MROH9: variants seen among roughly 807,000 people sequenced by gnomAD.
MROH9 encodes maestro heat-like repeat-containing protein family member 9.
A neutral mutation model predicts 98.2 loss-of-function variants in MROH9; 92 were observed. The observed-to-expected ratio is 0.94, with a 90% CI of 0.79 to 1.11. The LOEUF is 1.11. Ranked by LOEUF, MROH9 falls within the 50% of genes most tolerant of loss-of-function variation. The pLI is 0.00. For synonymous variants in MROH9, 397 were observed against 368.9 expected (o/e 1.08, Z -0.87); for missense variants, 1,057 against 1,014.8 (o/e 1.04, Z -0.57).
rs778332953 is a variant in MROH9 at position 170,995,407 on chromosome 1, A to G, written c.1213A>G (p.Thr405Ala). Residue 405 changes from threonine to alanine, a missense_variant, in exon 13 of 22, where the codon ACC becomes GCC. Physicochemically the swap from Thr to Ala is moderately conservative, Grantham distance 58. Transcript: ENST00000367759. The stretch of plus-strand genomic sequence containing the variant: ...CTTATAGGCATGCCAGGCCCTGTGC[A>G]CCTTTCTGCCTCTTGGTTCCTACAG... ...MPLAACQALC[T>A]FLPLGSYRKA... is the part of the protein sequence containing the mutation. The G allele has an allele frequency of 6.3e-5, 102 of 1,613,150 alleles. 3 individuals carry two copies. Among genetic ancestry groups the G allele is most frequent in the South Asian group, 3.8e-4 (35 of 91,052 alleles).
intron 20 of MROH9, 94 bp downstream of exon 20, chr1:171,025,514 T>A: frequency 1.3e-6 from 1 of 792,716 alleles, no homozygotes; most frequent in East Asian, 2.7e-5. Context: ...TTTTAATGTC[T>A]CTGTTTATGA....
chr1:170,992,471 T>A (rs751496465), intron 12 of MROH9, 142 bp downstream of exon 12: 5 of 855,982 alleles, frequency 5.8e-6, no homozygotes. Context: ...ATTTATTGAG[T>A]GTCTATTATT....
At chr1:170,937,515 ATTT>A (rs71125282) in intron 1 of MROH9, among the ~76,000 whole-genome samples, 16,348 of 111,622 alleles carry the variant, frequency 0.15, 411 homozygotes, top group Middle Eastern at 0.24. Flanking sequence ...CATAATCAGT[ATTT>A]TTTTTTTTTT....
intron 8 of MROH9, among the ~76,000 whole-genome samples, chr1:170,975,447 G>A (rs894208002): frequency 3.3e-5 from 5 of 152,066 alleles, no homozygotes; most frequent in African/African-American, 1.2e-4. Context: ...AATAGATTTA[G>A]GGGGTACAAA....
rs752696655 is a variant in MROH9 at position 171,052,672 on chromosome 1, G to A, written c.2282-9460G>A. On this transcript the variant is annotated intron_variant, in intron 20 of 21. Coordinates refer to ENST00000367759, the MANE Select transcript of MROH9 (RefSeq NM_001163629.2). ...GAGCAGAGAAATCACTACTGCCCACGGAATGGCAGGGGCAGCTCAGGCTCC... is the reference window on the plus strand; with the variant it reads ...GAGCAGAGAAATCACTACTGCCCACAGAATGGCAGGGGCAGCTCAGGCTCC... Among the ~76,000 whole-genome samples, 5 of 152,260 alleles carry A rather than the reference G, an allele frequency of 3.3e-5. No homozygotes were observed. The Middle Eastern group carries it at 0.014, about 414-fold the overall frequency.
rs150328926 is a variant in MROH9 at position 171,049,038 on chromosome 1, C to A, written c.2282-13094C>A. ...ATCCAACATGCAAGACAAAGCCCTC[C>A]CCACTTTTCCCTCTCCTCTCCTCAA... On this transcript the variant is annotated intron_variant, in intron 20 of 21. Coordinates refer to ENST00000367759, the MANE Select transcript of MROH9 (RefSeq NM_001163629.2). Among the ~76,000 whole-genome samples the A allele has an allele frequency of 1.0e-3, 159 of 152,192 alleles. 1 individual carries two copies. In the East Asian group the frequency reaches 0.027, roughly 26 times the overall value.
chr1:170,954,959 C>G (rs1649702744), intron 3 of MROH9, among the ~76,000 whole-genome samples: 1 of 151,890 alleles, frequency 6.6e-6, no homozygotes, highest in African/African-American at 2.4e-5. Flanking sequence ...TTATCCCTAT[C>G]CCCCTCCCAC....
intron 8 of MROH9, among the ~76,000 whole-genome samples, chr1:170,977,959 G>T (rs1261729238): frequency 6.6e-6 from 1 of 152,184 alleles, no homozygotes; most frequent in East Asian, 1.9e-4. Context: ...GAGACAGACT[G>T]GCCCCCTTTC....
rs1287069317 is a variant in MROH9 at position 170,947,582 on chromosome 1, TATTCTATAAGGATATCAACGTAACTGA to T, written c.72+15_72+41del. 4 of 1,606,546 alleles carry T rather than the reference TATTCTATAAGGATATCAACGTAACTGA, an allele frequency of 2.5e-6. No homozygotes were observed. The highest frequency in any genetic ancestry group is 3.4e-6 in the Non-Finnish European group (4 of 1,174,140). ...TGAAATGGCACCACATGGTAAGTGA[TATTCTATAAGGATATCAACGTAACTGA>T]ATTCTCTTGGAAAAAATAACTTTTT... is the stretch of plus-strand genomic sequence containing the variant. On this transcript the variant is annotated intron_variant, in intron 3 of 21. Coordinates refer to ENST00000367759, the MANE Select transcript of MROH9 (RefSeq NM_001163629.2).
At chr1:170,964,678 C>T (rs368303303) in intron 6 of MROH9, among the ~76,000 whole-genome samples, 1 of 151,988 alleles carries the variant, frequency 6.6e-6, no homozygotes, top group African/African-American at 2.4e-5. Flanking sequence ...TACTCTCTAA[C>T]CATAAGCCAG....
At chr1:171,034,531 T>C (rs898294569) in intron 20 of MROH9, among the ~76,000 whole-genome samples, 8 of 152,178 alleles carry the variant, frequency 5.3e-5, no homozygotes, top group Non-Finnish European at 8.8e-5. Context: ...TAATGTCCAT[T>C]AATGCATTTA....
Position 171,024,793 on chromosome 1 carries a change from A to G in MROH9, c.2178+28A>G, listed in dbSNP as rs757404181. The G allele has an allele frequency of 6.7e-6, 9 of 1,333,972 alleles. 1 individual carries two copies. Among genetic ancestry groups the G allele is most frequent in the African/African-American group, 4.4e-5 (3 of 68,478 alleles). 82.6% of individuals were successfully genotyped at this position (1,333,972 alleles called of 1,614,324 possible). A position where few individuals can be genotyped will look rare whatever the true frequency, so the allele number is the denominator to read the frequency against. ...AAGTGGCCCTTCCATTTTTACTACTATAAGAGTTGTAGACAAAACTTACAG... is the reference window on the plus strand; with the variant it reads ...AAGTGGCCCTTCCATTTTTACTACTGTAAGAGTTGTAGACAAAACTTACAG... On this transcript the variant is annotated intron_variant, in intron 19 of 21. Coordinates refer to ENST00000367759, the MANE Select transcript of MROH9 (RefSeq NM_001163629.2).
At chr1:171,049,654 T>C (rs1369027477) in intron 20 of MROH9, among the ~76,000 whole-genome samples, 1 of 152,126 alleles carries the variant, frequency 6.6e-6, no homozygotes, top group Non-Finnish European at 1.5e-5. Context: ...GTTCATGTTC[T>C]TTACCCACTT....
chr1:170,972,483 A>C (rs146979308), intron 8 of MROH9, among the ~76,000 whole-genome samples: 2 of 152,250 alleles, frequency 1.3e-5, no homozygotes, highest in African/African-American at 4.8e-5. Flanking sequence ...CATTTACTCT[A>C]TTTACACTCC....
At chr1:171,028,034 T>G (rs1652785427) in intron 20 of MROH9, among the ~76,000 whole-genome samples, 3 of 152,228 alleles carry the variant, frequency 2.0e-5, no homozygotes, top group African/African-American at 7.2e-5. Flanking sequence ...CTGTTTAATT[T>G]AATTAGACCC....
intron 2 of MROH9, among the ~76,000 whole-genome samples, chr1:170,947,262 AC>A (rs1283719256): frequency 6.6e-6 from 1 of 152,036 alleles, no homozygotes; most frequent in Admixed American, 6.6e-5. Context: ...CTTTTATTGA[AC>A]CATCCTCTAT....
In MROH9 at chr1:171,064,260, C is replaced by G; in HGVS notation, c.2506C>G (p.Leu836Val). The change falls in exon 22 of 22, where the codon CTT (leucine) becomes GTT (valine). Residue 836 changes from leucine to valine, a missense_variant. Physicochemically the swap from Leu to Val is conservative, Grantham distance 32 (BLOSUM62 1). Coordinates refer to ENST00000367759, the MANE Select transcript of MROH9 (RefSeq NM_001163629.2). Reference sequence around the variant, plus strand: ...ATTCTACATCAAAAAATTGAAGCCTCTTTACAATTATAACTCACCCAATGG... The same window carrying G: ...ATTCTACATCAAAAAATTGAAGCCTGTTTACAATTATAACTCACCCAATGG... The part of the protein sequence containing the change: ...KLFYIKKLKP[L>V]YNYNSPNGQI... The G allele has an allele frequency of 6.4e-7, 1 of 1,551,386 alleles. No individual in the cohort carries two copies. Among genetic ancestry groups the G allele is most frequent in the Non-Finnish European group, 8.7e-7 (1 of 1,146,858 alleles).
At chr1:170,972,722 G>C (rs576697102) in intron 8 of MROH9, among the ~76,000 whole-genome samples, 1 of 151,556 alleles carries the variant, frequency 6.6e-6, no homozygotes, top group African/African-American at 2.4e-5. Context: ...TGAGGTAGGA[G>C]AATGGCGTGA....
chr1:171,000,745 T>G (rs964801159), intron 15 of MROH9, among the ~76,000 whole-genome samples: 1 of 152,196 alleles, frequency 6.6e-6, no homozygotes, highest in South Asian at 2.1e-4. Flanking sequence ...AGGGTGATGC[T>G]GACTTCATAG....
Sources: gnomAD v4.1 joint callset for allele counts (sites outside exome capture counted in the v4.1 genomes callset) on GRCh38, gnomAD v4.1.1 for gene constraint, MANE v1.5 for transcripts, NCBI Gene and HGNC (gene_info 2026-07-23, HGNC 2026-07-21) for gene names.